The following DMTF1 variants were observed in gnomAD, a reference collection of about 807,000 sequenced individuals.
DMTF1 encodes cyclin D binding myb like transcription factor 1.
DMTF1 carries 39 observed loss-of-function variants against 91.1 expected under a neutral mutation model. That is an observed-to-expected ratio of 0.43 (90% CI 0.33 to 0.56). The LOEUF (loss-of-function observed/expected upper bound fraction) is 0.56. DMTF1 is among the 20% of genes least tolerant of loss of function. DMTF1 has a pLI of 0.05. For missense variants in DMTF1, 750 were observed against 914.5 expected, an observed-to-expected ratio of 0.82 and a Z score of 2.32; for synonymous variants, 338 against 309.5, an observed-to-expected ratio of 1.09 and a Z score of -0.97.
intron 15 of DMTF1, 128 bp from the exon 16 acceptor site, chr7:87,193,597 G>A (rs79610512): frequency 1.0e-6 from 1 of 987,476 alleles, no homozygotes; most frequent in Non-Finnish European, 1.5e-6. Context: ...TAAAGGACAA[G>A]GGTTCTAGAA....
In DMTF1 at chr7:87,195,642, G is replaced by A. The variant is rs1429439920; in HGVS notation, c.*502G>A. On this transcript the variant is annotated 3_prime_UTR_variant, in exon 18 of 18. Coordinates refer to ENST00000331242, the MANE Select transcript of DMTF1 (RefSeq NM_001142327.2). ...CCAGCATACAAGTATAGAGACCTAGGAGGTGGTCTTGTGGTGGTACATTTG... is the reference window on the plus strand; with the variant it reads ...CCAGCATACAAGTATAGAGACCTAGAAGGTGGTCTTGTGGTGGTACATTTG... 2.0e-5 allele frequency: 3 copies of A among 152,748 alleles called. No homozygotes were observed. The highest frequency in any genetic ancestry group is 4.4e-5 in the Non-Finnish European group (3 of 68,192). 9.5% of individuals were successfully genotyped at this position (152,748 alleles called of 1,614,324 possible).
rs145378553 is a variant in DMTF1 at position 87,160,620 on chromosome 7, A to T, written c.-131-2875A>T. ...CTACTTCTAATTCTGTACATACTTC[A>T]GTAAGGCTTCTGCCTCTACTACTCC... On this transcript the variant is annotated intron_variant, in intron 1 of 17. Coordinates refer to ENST00000331242, the MANE Select transcript of DMTF1 (RefSeq NM_001142327.2). Among the ~76,000 whole-genome samples the T allele has an allele frequency of 2.2e-4, 33 of 152,204 alleles. No homozygotes were observed. The East Asian group carries it at 5.0e-3, about 23-fold the overall frequency.
intron 12 of DMTF1, chr7:87,186,568 A>G (rs1015018629): frequency 6.6e-6 from 1 of 152,496 alleles, no homozygotes; most frequent in Admixed American, 6.5e-5. Flanking sequence ...CTTTCAGTCA[A>G]CAACAGATGT....
At chr7:87,183,886 G>A (rs1044822859) in intron 10 of DMTF1, among the ~76,000 whole-genome samples, 1 of 152,156 alleles carries the variant, frequency 6.6e-6, no homozygotes, top group African/African-American at 2.4e-5. Flanking sequence ...GGGATAGTGA[G>A]GAAACAAGAT....
At chr7:87,164,303 AG>A (rs1793285257) in intron 2 of DMTF1, 1 of 152,166 alleles carries the variant, frequency 6.6e-6, no homozygotes, top group South Asian at 2.1e-4. Context: ...TCTGAACAAG[AG>A]GAAAATAATA....
intron 5 of DMTF1, 92 bp downstream of exon 5, chr7:87,171,181 G>C (rs1794988540): frequency 2.4e-6 from 2 of 839,940 alleles, no homozygotes; most frequent in Non-Finnish European, 3.8e-6. Context: ...CTCCCAAGTA[G>C]CGAGGACTAC....
chr7:87,156,020 T>G (rs1226047841), intron 1 of DMTF1, among the ~76,000 whole-genome samples: 1 of 152,138 alleles, frequency 6.6e-6, no homozygotes, highest in Non-Finnish European at 1.5e-5. Flanking sequence ...ATCTAATGAG[T>G]AAATGTGCTT....
At chr7:87,169,148 G>C (rs1794519489) in intron 4 of DMTF1, among the ~76,000 whole-genome samples, 1 of 152,044 alleles carries the variant, frequency 6.6e-6, no homozygotes, top group African/African-American at 2.4e-5. Context: ...CAAACATACT[G>C]TTATTTTTCC....
In DMTF1 at chr7:87,161,610, A is replaced by G. The variant is rs532369561; in HGVS notation, c.-131-1885A>G. ...GATATATTTGTTGATTGAACAAATAAGCTTGATAATTTACAAAGTAGCATA... is the reference window on the plus strand; with the variant it reads ...GATATATTTGTTGATTGAACAAATAGGCTTGATAATTTACAAAGTAGCATA... On this transcript the variant is annotated intron_variant, in intron 1 of 17. Coordinates refer to ENST00000331242, the MANE Select transcript of DMTF1 (RefSeq NM_001142327.2). Among the ~76,000 whole-genome samples the G allele has an allele frequency of 2.0e-5, 3 of 152,360 alleles. No individual in the cohort carries two copies. In the East Asian group the frequency reaches 5.8e-4, roughly 29 times the overall value.
At chr7:87,187,805 A>G (rs1354180422) in intron 12 of DMTF1, 9 of 403,656 alleles carry the variant, frequency 2.2e-5, no homozygotes, top group Non-Finnish European at 4.5e-6. Context: ...ACCCTAGAAT[A>G]GAAAATGTCC....
At chr7:87,173,709 A>G (rs1795625579) in intron 6 of DMTF1, 60 bp downstream of exon 6, 2 of 1,059,618 alleles carry the variant, frequency 1.9e-6, no homozygotes, top group African/African-American at 1.6e-5. Context: ...GAAAGGGCTT[A>G]TAGTCATCAG....
chr7:87,159,231 G>T (rs1791582499), intron 1 of DMTF1, among the ~76,000 whole-genome samples: 1 of 152,102 alleles, frequency 6.6e-6, no homozygotes, highest in Non-Finnish European at 1.5e-5. Flanking sequence ...TAAATAAGGA[G>T]TGCATAAATA....
Position 87,182,310 on chromosome 7 carries a change from C to T in DMTF1, c.793C>T (p.Arg265Ter). The T allele has an allele frequency of 1.2e-6, 2 of 1,614,038 alleles. No individual in the cohort carries two copies. The highest frequency in any genetic ancestry group is 1.7e-6 in the Non-Finnish European group (2 of 1,179,980). Residue 265 changes from arginine to a stop codon, truncating the protein, a stop_gained, in exon 10 of 18, where the codon CGA becomes TGA. Coordinates refer to ENST00000331242, the MANE Select transcript of DMTF1 (RefSeq NM_001142327.2). LOFTEE classifies it high-confidence loss of function. ...TGCATCTTCTGTCAAAGATCGGTGC[C>T]GACTGATGAAGGATACTTGCAACAC... ...RSASSVKDRC[R>*]LMKDTCNTGK...
At chr7:87,168,719 C>T (rs1794407790) in intron 4 of DMTF1, among the ~76,000 whole-genome samples, 1 of 152,116 alleles carries the variant, frequency 6.6e-6, no homozygotes, top group Non-Finnish European at 1.5e-5. Context: ...AAAAATGGCA[C>T]AAGCAGGCTG....
At chr7:87,159,406 A>AGTAG (rs200873920) in intron 1 of DMTF1, among the ~76,000 whole-genome samples, 3,966 of 49,470 alleles carry the variant, frequency 0.08, 78 homozygotes, top group Non-Finnish European at 0.12. Context: ...GCTGTACACC[A>AGTAG]ATAGAATTTT....
At position 87,179,675 on chromosome 7, in the gene DMTF1, T is replaced by C; in HGVS notation, c.650T>C (p.Met217Thr). 6.3e-7 allele frequency: 1 copy of C among 1,581,120 alleles called. No homozygotes were observed. Among genetic ancestry groups the C allele is most frequent in the Non-Finnish European group, 8.6e-7 (1 of 1,168,366 alleles). ...LFAVYRRVLR[M>T]YDDRNHVGKY... ...GCAGTTTATAGAAGAGTGCTTCGCA[T>C]GTATGATGACAGAAACCATGTGGGA... The change falls in exon 8 of 18, where the codon ATG becomes ACG. Residue 217 changes from methionine to threonine, a missense_variant. Physicochemically the swap from Met to Thr is moderately conservative, Grantham distance 81 (BLOSUM62 -1). Transcript: ENST00000331242.
At chr7:87,193,616 A>G (rs1170809889) in intron 15 of DMTF1, 109 bp from the exon 16 acceptor site, 2 of 1,116,058 alleles carry the variant, frequency 1.8e-6, no homozygotes, top group Non-Finnish European at 2.6e-6. Flanking sequence ...AAAAATAGTG[A>G]TAAAAGTATT....
chr7:87,171,048 G>T lies in DMTF1; in HGVS notation c.286G>T (p.Ala96Ser). The T allele has an allele frequency of 6.2e-7, 1 of 1,612,418 alleles. No individual in the cohort carries two copies. The highest frequency in any genetic ancestry group is 8.5e-7 in the Non-Finnish European group (1 of 1,178,770). ...GACCATGACTGCAACCACAGAAGTAGCAGATGATGAGGTTACTGAGGGGAC... is the reference window on the plus strand; with the variant it reads ...GACCATGACTGCAACCACAGAAGTATCAGATGATGAGGTTACTGAGGGGAC... ...EVTMTATTEV[A>S]DDEVTEGTVT... is the part of the protein sequence containing the mutation. The change falls in exon 5 of 18, where the codon GCA (alanine) becomes TCA (serine). Residue 96 changes from alanine to serine, a missense_variant. By Grantham distance (99) the Ala-to-Ser change is moderately conservative (BLOSUM62 1). Transcript: ENST00000331242.
chr7:87,153,268 G>A (rs1005414620), intron 1 of DMTF1, among the ~76,000 whole-genome samples: 1 of 152,164 alleles, frequency 6.6e-6, no homozygotes, highest in African/African-American at 2.4e-5. Context: ...GGGGCGCGGG[G>A]ACAGTCCTGG....
Sources: gnomAD v4.1 joint callset for allele counts (sites outside exome capture counted in the v4.1 genomes callset) on GRCh38, gnomAD v4.1.1 for gene constraint, MANE v1.5 for transcripts, NCBI Gene and HGNC (gene_info 2026-07-23, HGNC 2026-07-21) for gene names.